The following PKIG variants were observed in gnomAD, a reference collection of about 807,000 sequenced individuals.
The protein encoded by PKIG is cAMP-dependent protein kinase inhibitor gamma.
In PKIG, 1 loss-of-function variant was observed where a neutral mutation model predicts 6.8. The ratio of observed to expected loss-of-function variants is 0.15; its 90% CI spans 0.05 to 0.69. The LOEUF (loss-of-function observed/expected upper bound fraction) is 0.69. Ranked by LOEUF, PKIG falls within the 30% of genes least tolerant of loss-of-function variation. PKIG has a pLI of 0.82. For missense variants in PKIG, 77 were observed against 104.0 expected (o/e 0.74, Z 1.13); for synonymous variants, 39 against 43.0 (o/e 0.91, Z 0.36).
chr20:44,542,517 G>A (rs74414692), intron 1 of PKIG, among the ~76,000 whole-genome samples: 4,163 of 152,042 alleles, frequency 0.027, 94 homozygotes, highest in Non-Finnish European at 0.038. Context: ...ACTTTCATTG[G>A]TTTTTGATGA....
At chr20:44,539,441 C>T (rs1445072894) in intron 1 of PKIG, among the ~76,000 whole-genome samples, 6 of 147,376 alleles carry the variant, frequency 4.1e-5, no homozygotes, top group Admixed American at 6.8e-5. Flanking sequence ...TTTTTTTGAA[C>T]GAAGTTTTGC....
At chr20:44,576,158 AGTGTGTGTGTGTGTGTGT>A (rs3221821) in intron 1 of PKIG, among the ~76,000 whole-genome samples, 1 of 140,492 alleles carries the variant, frequency 7.1e-6, no homozygotes, top group Non-Finnish European at 1.6e-5. Context: ...GACTAAGTAG[AGTGTGTGTGTGTGTGTGT>A]GTGTGTGTGT....
chr20:44,602,211 T>G (rs2065127268), intron 2 of PKIG, among the ~76,000 whole-genome samples: 1 of 152,214 alleles, frequency 6.6e-6, no homozygotes, highest in Non-Finnish European at 1.5e-5. Context: ...GATTCTAGAT[T>G]GTTTTTAGAC....
At chr20:44,540,056 G>A (rs1296204072) in intron 1 of PKIG, among the ~76,000 whole-genome samples, 2 of 152,054 alleles carry the variant, frequency 1.3e-5, no homozygotes, top group African/African-American at 4.8e-5. Flanking sequence ...CACCTCCAGG[G>A]TTCAAGCTAT....
chr20:44,587,643 A>C (rs1414868192), intron 1 of PKIG, among the ~76,000 whole-genome samples: 1 of 152,030 alleles, frequency 6.6e-6, no homozygotes, highest in African/African-American at 2.4e-5. Flanking sequence ...TGTTCAAGGG[A>C]AGAAAAGCTA....
At chr20:44,581,960 G>A (rs1384225724), upstream of PKIG, among the ~76,000 whole-genome samples, 1 of 152,208 alleles carries the variant, frequency 6.6e-6, no homozygotes, top group Non-Finnish European at 1.5e-5. Context: ...CTGAGGTCCA[G>A]AGAGGGATGT....
At chr20:44,540,287 A>G (rs1250397302) in intron 1 of PKIG, among the ~76,000 whole-genome samples, 1 of 152,064 alleles carries the variant, frequency 6.6e-6, no homozygotes, top group Non-Finnish European at 1.5e-5. Context: ...TAAACAACCA[A>G]CCTGTGCTAT....
At chr20:44,608,565 G>A (rs77410908) in intron 2 of PKIG, among the ~76,000 whole-genome samples, 132 of 152,290 alleles carry the variant, frequency 8.7e-4, no homozygotes, top group African/African-American at 3.1e-3. Flanking sequence ...CACTTTGGAA[G>A]TCCGAGGCAG....
intron 1 of PKIG, among the ~76,000 whole-genome samples, chr20:44,563,153 A>T (rs1232411226): frequency 2.0e-5 from 3 of 152,230 alleles, no homozygotes; most frequent in Non-Finnish European, 4.4e-5. Flanking sequence ...GAAAGAATTA[A>T]TATTACACAA....
chr20:44,543,829 G>T (rs1035344908), intron 1 of PKIG, among the ~76,000 whole-genome samples: 4 of 152,118 alleles, frequency 2.6e-5, no homozygotes, highest in African/African-American at 9.7e-5. Context: ...GTGGGAAGCC[G>T]AGGCGGGTGG....
At chr20:44,545,478 A>C (rs555109819) in intron 1 of PKIG, among the ~76,000 whole-genome samples, 2 of 152,298 alleles carry the variant, frequency 1.3e-5, no homozygotes, top group Non-Finnish European at 2.9e-5. Flanking sequence ...ATTTTTGTCA[A>C]ATTAGGGGTG....
At chr20:44,601,805 A>T (rs2065123592) in intron 2 of PKIG, among the ~76,000 whole-genome samples, 1 of 152,252 alleles carries the variant, frequency 6.6e-6, no homozygotes, top group Non-Finnish European at 1.5e-5. Flanking sequence ...TGACCTTTCT[A>T]GTATATTTGG....
At chr20:44,554,659 G>A (rs887268011) in intron 1 of PKIG, among the ~76,000 whole-genome samples, 2 of 151,866 alleles carry the variant, frequency 1.3e-5, no homozygotes, top group East Asian at 3.9e-4. Context: ...CAGCTTGGGG[G>A]CAAAAAACAG....
At chr20:44,553,716 A>G (rs969986022) in intron 1 of PKIG, among the ~76,000 whole-genome samples, 1 of 152,178 alleles carries the variant, frequency 6.6e-6, no homozygotes, top group Non-Finnish European at 1.5e-5. Flanking sequence ...ATGCTCGTTT[A>G]TAGTAAATGC....
At chr20:44,566,471 T>C (rs1038297724) in intron 1 of PKIG, among the ~76,000 whole-genome samples, 4 of 152,270 alleles carry the variant, frequency 2.6e-5, no homozygotes, top group African/African-American at 9.6e-5. Context: ...TTATGACTCA[T>C]GCATGCATAT....
chr20:44,602,765 G>A (rs1383563168), intron 2 of PKIG, among the ~76,000 whole-genome samples: 2 of 151,826 alleles, frequency 1.3e-5, no homozygotes, highest in African/African-American at 4.8e-5. Context: ...CACTTGAACC[G>A]GGGAGGTGGA....
At chr20:44,554,344 A>G (rs2064695211) in intron 1 of PKIG, among the ~76,000 whole-genome samples, 1 of 152,146 alleles carries the variant, frequency 6.6e-6, no homozygotes, top group Non-Finnish European at 1.5e-5. Flanking sequence ...AGCCTCCCAA[A>G]GTGCTAGGAT....
chr20:44,584,574 C>T (rs911415433), intron 1 of PKIG, among the ~76,000 whole-genome samples: 2 of 147,740 alleles, frequency 1.4e-5, no homozygotes, highest in Non-Finnish European at 3.0e-5. Flanking sequence ...AAGGTTTTTG[C>T]TTTGTTTTGT....
intron 1 of PKIG, among the ~76,000 whole-genome samples, chr20:44,534,463 T>C (rs2064494676): frequency 1.3e-5 from 2 of 151,884 alleles, no homozygotes; most frequent in South Asian, 2.1e-4. Context: ...GTACTTTTCA[T>C]GCACCATTCT....
Sources: gnomAD v4.1 joint callset for allele counts (sites outside exome capture counted in the v4.1 genomes callset) on GRCh38, gnomAD v4.1.1 for gene constraint, MANE v1.5 for transcripts, NCBI Gene and HGNC (gene_info 2026-07-23, HGNC 2026-07-21) for gene names.